Variants in ASB5 observed in about 807,000 individuals in gnomAD.
The protein encoded by ASB5 is ankyrin repeat and SOCS box protein 5.
ASB5 carries 45 observed loss-of-function variants against 42.1 expected under a neutral mutation model. The observed-to-expected ratio is 1.07, with a 90% CI of 0.84 to 1.37. The LOEUF is 1.37. ASB5 is among the 40% of genes most tolerant of loss of function. The probability of loss-of-function intolerance (pLI) is 0.00; values close to 1 mark genes in which losing one functional copy is unlikely to be tolerated. For missense variants in ASB5, 402 were observed against 399.8 expected (o/e 1.01, Z -0.05); for synonymous variants, 147 against 150.6 (o/e 0.98, Z 0.18).
At chr4:176,253,442 A>G (rs1208183268) in intron 1 of ASB5, among the ~76,000 whole-genome samples, 2 of 152,230 alleles carry the variant, frequency 1.3e-5, no homozygotes, top group African/African-American at 4.8e-5. Flanking sequence ...AGTTCATACT[A>G]AACAGGCAAA....
chr4:176,256,033 C>T (rs932336972), intron 1 of ASB5, among the ~76,000 whole-genome samples: 2 of 152,120 alleles, frequency 1.3e-5, no homozygotes, highest in African/African-American at 4.8e-5. Flanking sequence ...GAGCTATGTC[C>T]TGAAACTTTT....
chr4:176,245,912 G>A (rs953317787), intron 1 of ASB5, among the ~76,000 whole-genome samples: 10 of 152,026 alleles, frequency 6.6e-5, no homozygotes, highest in Non-Finnish European at 1.2e-4. Flanking sequence ...GTGGGGACTG[G>A]GGGAGGGATA....
chr4:176,217,959 A>G (rs1753019489), intron 5 of ASB5, among the ~76,000 whole-genome samples: 1 of 151,676 alleles, frequency 6.6e-6, no homozygotes, highest in African/African-American at 2.4e-5. Context: ...AATAAATGTA[A>G]TCATTTTCAA....
At chr4:176,218,504 G>T (rs1297738867) in intron 5 of ASB5, among the ~76,000 whole-genome samples, 6 of 41,484 alleles carry the variant, frequency 1.4e-4, no homozygotes, top group Admixed American at 3.0e-4. Context: ...ATATATATTT[G>T]TATGATATAT....
In ASB5 at chr4:176,241,601, T is replaced by G. The variant is rs1460884882; in HGVS notation, c.197-16260A>C. 15 of 1,422,434 alleles carry G rather than the reference T, an allele frequency of 1.1e-5. No individual in the cohort carries two copies. In the East Asian group the frequency reaches 3.9e-4, roughly 37 times the overall value. The allele number at this position is 1,422,434 out of a possible 1,614,324, so 88.1% of individuals were successfully genotyped here. A position where few individuals can be genotyped will look rare whatever the true frequency, so the allele number is the denominator to read the frequency against. On this transcript the variant is annotated intron_variant, in intron 1 of 6. Coordinates refer to ENST00000296525, the MANE Select transcript of ASB5 (RefSeq NM_080874.4). ...TTTAGGAGTCATATCTGAGCCCAGT[T>G]CTTGCTCCATTTTATTTTTTATTCT...
At chr4:176,216,372 G>C (rs2126936154) in intron 6 of ASB5, among the ~76,000 whole-genome samples, 1 of 151,698 alleles carries the variant, frequency 6.6e-6, no homozygotes, top group Non-Finnish European at 1.5e-5. Context: ...CTTTTTTTTA[G>C]ATGGAGTCTC....
upstream of ASB5, among the ~76,000 whole-genome samples, chr4:176,273,169 C>T (rs545133957): frequency 6.6e-6 from 1 of 151,996 alleles, no homozygotes; most frequent in Non-Finnish European, 1.5e-5. Context: ...TTTTTTATTC[C>T]TAATATTCCA....
intron 1 of ASB5, among the ~76,000 whole-genome samples, chr4:176,245,779 G>A (rs1329598174): frequency 6.6e-6 from 1 of 151,994 alleles, no homozygotes; most frequent in Non-Finnish European, 1.5e-5. Context: ...CCATCATTCT[G>A]AGCAAACTAT....
At chr4:176,252,989 T>C (rs989975348) in intron 1 of ASB5, among the ~76,000 whole-genome samples, 7 of 152,168 alleles carry the variant, frequency 4.6e-5, no homozygotes, top group Admixed American at 4.6e-4. Flanking sequence ...TATAATGTAT[T>C]AGCATTACAT....
intron 1 of ASB5, among the ~76,000 whole-genome samples, chr4:176,225,877 A>C (rs948922644): frequency 6.6e-6 from 1 of 152,222 alleles, no homozygotes; most frequent in Non-Finnish European, 1.5e-5. Flanking sequence ...GGCGTGAGCC[A>C]CTGCCCCCGG....
chr4:176,262,253 T>C lies in ASB5; in HGVS notation c.196+6660A>G, dbSNP rs560414126. Among the ~76,000 whole-genome samples, 45 of 152,344 alleles carry C rather than the reference T, an allele frequency of 3.0e-4. No individual in the cohort carries two copies. In the South Asian group the frequency reaches 6.0e-3, roughly 20 times the overall value. On this transcript the variant is annotated intron_variant, in intron 1 of 6. Transcript: ENST00000296525. ...CCTATCAAAGTACACAAAATCCATT[T>C]TGAAATTTTTTCATCAAAATATTTT...
intron 1 of ASB5, among the ~76,000 whole-genome samples, chr4:176,258,315 T>C (rs1754194897): frequency 6.6e-6 from 1 of 152,236 alleles, no homozygotes; most frequent in Non-Finnish European, 1.5e-5. Context: ...TAGAAAATGC[T>C]ACAACCATGA....
chr4:176,217,225 T>C (rs893931868), intron 5 of ASB5, among the ~76,000 whole-genome samples: 1 of 152,138 alleles, frequency 6.6e-6, no homozygotes, highest in African/African-American at 2.4e-5. Context: ...TGGGCACATC[T>C]GAATGGCAGA....
intron 1 of ASB5, among the ~76,000 whole-genome samples, chr4:176,232,814 T>C (rs1753583667): frequency 6.6e-6 from 1 of 152,194 alleles, no homozygotes; most frequent in South Asian, 2.1e-4. Flanking sequence ...GTTTAAACAG[T>C]GTTACCATTT....
chr4:176,241,770 G>A, intron 1 of ASB5: 1 of 852,500 alleles, frequency 1.2e-6, no homozygotes, highest in South Asian at 4.5e-5. Flanking sequence ...TGTTCCAAAG[G>A]TCATTCATTT....
chr4:176,240,254 A>G (rs1358816474), intron 1 of ASB5, among the ~76,000 whole-genome samples: 1 of 152,246 alleles, frequency 6.6e-6, no homozygotes, highest in East Asian at 1.9e-4. Context: ...CAGAAAAAGC[A>G]TCTAAGATAT....
intron 1 of ASB5, among the ~76,000 whole-genome samples, chr4:176,248,653 T>G (rs899188343): frequency 6.6e-6 from 1 of 152,188 alleles, no homozygotes; most frequent in African/African-American, 2.4e-5. Flanking sequence ...GAATTTACAT[T>G]ATTGAGAATG....
rs1753229877 is a variant in ASB5 at position 176,222,085 on chromosome 4, T to C, written c.384+228A>G. 2.0e-5 allele frequency among the ~76,000 whole-genome samples: 3 copies of C among 152,168 alleles called. No homozygotes were observed. The South Asian group carries it at 6.2e-4, about 31-fold the overall frequency. On this transcript the variant is annotated intron_variant, in intron 3 of 6. Coordinates refer to ENST00000296525, the MANE Select transcript of ASB5 (RefSeq NM_080874.4). ...TATTTACAGTCATGAAAGCAGGAAATAACCTACAGAATAGTCTATATTATG... is the reference window on the plus strand; with the variant it reads ...TATTTACAGTCATGAAAGCAGGAAACAACCTACAGAATAGTCTATATTATG...
At chr4:176,238,265 A>G (rs559269388) in intron 1 of ASB5, among the ~76,000 whole-genome samples, 1 of 150,600 alleles carries the variant, frequency 6.6e-6, no homozygotes, top group Non-Finnish European at 1.5e-5. Flanking sequence ...TCATGTTTTC[A>G]TTTTGCAAGG....
Sources: gnomAD v4.1 joint callset for allele counts (sites outside exome capture counted in the v4.1 genomes callset) on GRCh38, gnomAD v4.1.1 for gene constraint, MANE v1.5 for transcripts, NCBI Gene and HGNC (gene_info 2026-07-23, HGNC 2026-07-21) for gene names.